The following TTC27 variants were observed in gnomAD, a reference collection of about 807,000 sequenced individuals.
TTC27 encodes tetratricopeptide repeat domain 27, also known as tetratricopeptide repeat protein 27.
A neutral mutation model predicts 115.9 loss-of-function variants in TTC27; 79 were observed. The ratio of observed to expected loss-of-function variants is 0.68; its 90% CI spans 0.57 to 0.82. The LOEUF is 0.82. TTC27 is among the 40% of genes least tolerant of loss of function. TTC27 has a pLI of 0.00. For missense variants in TTC27, 1,054 were observed against 993.1 expected (o/e 1.06, Z -0.82); for synonymous variants, 401 against 356.0 (o/e 1.13, Z -1.42).
rs944682747 is a variant in TTC27 at position 32,782,605 on chromosome 2, C to A, written c.1780-21C>A. The A allele has an allele frequency of 1.6e-5, 26 of 1,608,062 alleles. No homozygotes were observed. In the East Asian group the frequency reaches 5.6e-4, roughly 35 times the overall value. ...TACCTAAATGAGAAGAGTTAATTAA[C>A]TGTGTTCTCTATCATTTCAGAATGC... is the stretch of plus-strand genomic sequence containing the variant. On this transcript the variant is annotated intron_variant, in intron 14 of 19. Transcript: ENST00000317907.
At chr2:32,790,490 A>T (rs909584310) in intron 16 of TTC27, among the ~76,000 whole-genome samples, 8 of 152,246 alleles carry the variant, frequency 5.3e-5, no homozygotes, top group African/African-American at 1.9e-4. Context: ...GTACCATGTG[A>T]TGTTTTCATA....
chr2:32,745,625 A>C (rs1291534429), intron 12 of TTC27, among the ~76,000 whole-genome samples: 1 of 152,114 alleles, frequency 6.6e-6, no homozygotes, highest in African/African-American at 2.4e-5. Context: ...TTATGGGTGA[A>C]TATAGGCCAG....
intron 16 of TTC27, among the ~76,000 whole-genome samples, chr2:32,789,433 A>G (rs1670455434): frequency 6.6e-6 from 1 of 152,168 alleles, no homozygotes; most frequent in Non-Finnish European, 1.5e-5. Context: ...GTATCTGTAA[A>G]TGTGTAGGGA....
rs1294282278 is a variant in TTC27 at position 32,664,411 on chromosome 2, C to G, written c.749C>G (p.Ala250Gly). Reference protein sequence around the residue: ...VFLYYYEYRKAKDQLDIAKDI... With the variant: ...VFLYYYEYRKGKDQLDIAKDI... ...TTATATTATTATGAGTACAGAAAAG[C>G]AAAAGATCAGTTGGATATTGCTAAG... Residue 250 changes from alanine (A) to glycine (G), a missense_variant, in exon 6 of 20, where the codon GCA becomes GGA. Ala to Gly is a moderately conservative substitution (Grantham distance 60, BLOSUM62 0). Transcript: ENST00000317907. 1 of 1,611,952 alleles carries G rather than the reference C, an allele frequency of 6.2e-7. No homozygotes were observed. Among genetic ancestry groups the G allele is most frequent in the East Asian group, 2.2e-5 (1 of 44,744 alleles).
intron 15 of TTC27, among the ~76,000 whole-genome samples, chr2:32,784,475 T>C (rs1212561494): frequency 6.6e-6 from 1 of 152,256 alleles, no homozygotes; most frequent in Non-Finnish European, 1.5e-5. Flanking sequence ...AACTTTCTTT[T>C]ATCCTTTTGT....
intron 10 of TTC27, among the ~76,000 whole-genome samples, chr2:32,704,000 AAG>A (rs1240691391): frequency 8.5e-5 from 13 of 152,322 alleles, no homozygotes; most frequent in Admixed American, 7.8e-4. Context: ...AGAAGAGTGG[AAG>A]AGAGTGAACC....
rs746453611 is a variant in TTC27 at position 32,777,919 on chromosome 2, C to T, written c.1718C>T (p.Ala573Val). ...TTTTCTCTCGGTTGTGCCTATTTGG[C>T]CTTGGAAGACTATCAAGGTTCAGCA... ...VWFSLGCAYL[A>V]LEDYQGSAKA... Residue 573 changes from alanine (A) to valine (V), a missense_variant, in exon 14 of 20, where the codon GCC becomes GTC. Coordinates refer to ENST00000317907, the MANE Select transcript of TTC27 (RefSeq NM_017735.5). The T allele has an allele frequency of 3.0e-5, 49 of 1,613,708 alleles. No individual in the cohort carries two copies. Among genetic ancestry groups the T allele is most frequent in the Non-Finnish European group, 3.9e-5 (46 of 1,179,960 alleles).
chr2:32,660,330 GC>G (rs1455038267), intron 5 of TTC27, among the ~76,000 whole-genome samples: 1 of 151,920 alleles, frequency 6.6e-6, no homozygotes, highest in Non-Finnish European at 1.5e-5. Context: ...AGAAATGTCT[GC>G]TCATATCTTT....
At chr2:32,746,505 G>A (rs1668831869) in intron 12 of TTC27, among the ~76,000 whole-genome samples, 1 of 125,288 alleles carries the variant, frequency 8.0e-6, no homozygotes, top group African/African-American at 3.0e-5. Context: ...AGAGGTTGCA[G>A]TGAGCTGAGA....
At chr2:32,736,923 C>T (rs1668470580) in intron 12 of TTC27, 107 bp downstream of exon 12, 1 of 1,384,612 alleles carries the variant, frequency 7.2e-7, no homozygotes, top group South Asian at 1.5e-5. Flanking sequence ...CACTTATATT[C>T]CTTTTTTCAC....
intron 10 of TTC27, among the ~76,000 whole-genome samples, chr2:32,714,305 C>G (rs554212961): frequency 6.6e-6 from 1 of 152,008 alleles, no homozygotes; most frequent in African/African-American, 2.4e-5. Context: ...ACTACAGGAG[C>G]CTGCCACCAT....
chr2:32,663,020 C>T (rs1242995771), intron 5 of TTC27, among the ~76,000 whole-genome samples: 1 of 152,092 alleles, frequency 6.6e-6, no homozygotes. Context: ...TGGTGGACGC[C>T]CCTGTCCCCA....
At chr2:32,632,859 GCTAA>G (rs886416923) in intron 2 of TTC27, among the ~76,000 whole-genome samples, 8 of 152,086 alleles carry the variant, frequency 5.3e-5, no homozygotes, top group South Asian at 2.1e-4. Flanking sequence ...TGGCTGGCAG[GCTAA>G]CTAAGTGGCT....
chr2:32,668,048 G>A (rs557007744), intron 7 of TTC27, among the ~76,000 whole-genome samples: 35 of 151,798 alleles, frequency 2.3e-4, no homozygotes, highest in African/African-American at 7.5e-4. Flanking sequence ...AAAATTAACC[G>A]GGCGTGGTGG....
At chr2:32,804,933 A>C (rs757509889) in intron 16 of TTC27, among the ~76,000 whole-genome samples, 7 of 152,178 alleles carry the variant, frequency 4.6e-5, no homozygotes, top group Admixed American at 1.3e-4. Context: ...AACAAAACCC[A>C]TTCTGGTTCT....
At chr2:32,661,496 G>A (rs1665546829) in intron 5 of TTC27, among the ~76,000 whole-genome samples, 1 of 152,092 alleles carries the variant, frequency 6.6e-6, no homozygotes, top group Non-Finnish European at 1.5e-5. Context: ...TCCCTTGTAG[G>A]TTGTGTTCCT....
At position 32,736,748 on chromosome 2, in the gene TTC27, A is replaced by G; in HGVS notation, c.1384A>G (p.Ile462Val). 2 of 1,614,062 alleles carry G rather than the reference A, an allele frequency of 1.2e-6. No homozygotes were observed. Among genetic ancestry groups the G allele is most frequent in the Non-Finnish European group, 1.7e-6 (2 of 1,179,956 alleles). ...ELGCTSSALQ[I>V]FEKLEMWEDV... ...GGGATGTACCAGTTCAGCCCTTCAG[A>G]TATTTGAAAAGCTAGAAATGTGGGA... Residue 462 changes from isoleucine to valine, a missense_variant, in exon 12 of 20, where the codon ATA becomes GTA. Physicochemically the swap from Ile to Val is conservative, Grantham distance 29. Transcript: ENST00000317907.
chr2:32,797,409 C>A (rs1670744826), intron 16 of TTC27, among the ~76,000 whole-genome samples: 1 of 152,034 alleles, frequency 6.6e-6, no homozygotes, highest in Non-Finnish European at 1.5e-5. Context: ...ATCCCCTGGG[C>A]TCAAGCAGCC....
At chr2:32,766,171 A>G (rs1669619166) in intron 13 of TTC27, among the ~76,000 whole-genome samples, 1 of 152,106 alleles carries the variant, frequency 6.6e-6, no homozygotes, top group Non-Finnish European at 1.5e-5. Context: ...CTTTCTTTTC[A>G]TTTGATACAT....
Sources: allele counts gnomAD v4.1 joint callset (sites outside exome capture counted in the v4.1 genomes callset), GRCh38; gene constraint gnomAD v4.1.1; transcripts MANE v1.5; gene names NCBI Gene and HGNC (gene_info 2026-07-23, HGNC 2026-07-21).